SPON1: variants seen among roughly 807,000 people sequenced by gnomAD.
SPON1 encodes spondin-1.
A neutral mutation model predicts 111.7 loss-of-function variants in SPON1; 52 were observed. The observed-to-expected ratio is 0.47, with a 90% CI of 0.37 to 0.59. The LOEUF (loss-of-function observed/expected upper bound fraction) is 0.59. Among genes scored for constraint, SPON1 ranks in the 20% least tolerant of loss-of-function variants. The pLI, the probability that SPON1 is intolerant of heterozygous loss-of-function variation, is 0.00. For missense variants in SPON1, 957 were observed against 1,068.5 expected (o/e 0.90, Z 1.46); for synonymous variants, 410 against 395.8 (o/e 1.04, Z -0.43).
At chr11:14,002,965 T>C (rs1213787190) in intron 2 of SPON1, among the ~76,000 whole-genome samples, 1 of 151,774 alleles carries the variant, frequency 6.6e-6, no homozygotes, top group Admixed American at 6.6e-5. Context: ...TTCAAGAGAG[T>C]TGTGCCTACA....
chr11:14,080,662 G>A (rs1356567362), intron 5 of SPON1, among the ~76,000 whole-genome samples: 3 of 152,284 alleles, frequency 2.0e-5, no homozygotes, highest in African/African-American at 7.2e-5. Context: ...CAGACCTGCT[G>A]GAAATAGCGG....
rs537033537 is a variant in SPON1 at position 14,257,843 on chromosome 11, C to T, written c.1437C>T (p.Pro479=). ...MLKAQLDLSV[P]CPDTQDFQPC... is the part of the protein sequence containing the mutation. ...AAGCACAGCTGGACCTCAGCGTCCC[C>T]TGCCCTGACACCCAGGACTTCCAGC... The change falls in exon 11 of 16, where the codon CCC becomes CCT. Residue 479 remains proline, a synonymous_variant. Coordinates refer to ENST00000576479, the MANE Select transcript of SPON1 (RefSeq NM_006108.4). 59 of 1,591,534 alleles carry T rather than the reference C, an allele frequency of 3.7e-5. No homozygotes were observed. In the East Asian group the frequency reaches 1.3e-3, roughly 35 times the overall value.
chr11:14,008,646 C>G (rs573728811), intron 2 of SPON1, among the ~76,000 whole-genome samples: 3 of 152,276 alleles, frequency 2.0e-5, no homozygotes, highest in African/African-American at 7.2e-5. Flanking sequence ...ACTTCTTCTC[C>G]TACTAAAATA....
At chr11:14,102,341 CTATTT>C (rs782392402) in intron 5 of SPON1, among the ~76,000 whole-genome samples, 2 of 152,114 alleles carry the variant, frequency 1.3e-5, no homozygotes, top group African/African-American at 4.8e-5. Flanking sequence ...ATGTTCTATT[CTATTT>C]TATTTAAGCC....
intron 2 of SPON1, among the ~76,000 whole-genome samples, chr11:14,000,257 C>T (rs905534528): frequency 7.2e-5 from 11 of 152,106 alleles, no homozygotes; most frequent in Non-Finnish European, 1.2e-4. Flanking sequence ...CACAAAACTC[C>T]CTCCCTCACT....
intron 3 of SPON1, among the ~76,000 whole-genome samples, chr11:14,062,999 T>C (rs1848803001): frequency 6.6e-6 from 1 of 151,918 alleles, no homozygotes; most frequent in Non-Finnish European, 1.5e-5. Context: ...TTCCCCCTCC[T>C]TCCCTCTTTT....
At chr11:14,064,577 G>A (rs74686452) in intron 3 of SPON1, among the ~76,000 whole-genome samples, 2,850 of 152,280 alleles carry the variant, frequency 0.019, 38 homozygotes, top group Non-Finnish European at 0.032. Flanking sequence ...CCAAGACTTC[G>A]GACTATAACC....
At chr11:14,047,966 G>A (rs1270152104) in intron 3 of SPON1, among the ~76,000 whole-genome samples, 2 of 152,230 alleles carry the variant, frequency 1.3e-5, no homozygotes, top group African/African-American at 4.8e-5. Context: ...TGGGCCAGGT[G>A]TGGTGGCTCA....
intron 6 of SPON1, among the ~76,000 whole-genome samples, chr11:14,216,857 T>C (rs1848631276): frequency 6.6e-6 from 1 of 152,174 alleles, no homozygotes; most frequent in African/African-American, 2.4e-5. Context: ...ACTCTGAACT[T>C]CACAAAGACC....
At chr11:14,078,040 C>A (rs1170125693) in intron 4 of SPON1, among the ~76,000 whole-genome samples, 2 of 152,100 alleles carry the variant, frequency 1.3e-5, no homozygotes, top group Non-Finnish European at 2.9e-5. Flanking sequence ...CCATGGTTGG[C>A]AGACCCTGCC....
chr11:14,259,555 C>CCGAGTGGGG lies in SPON1; in HGVS notation c.1694_1702dup (p.Gly565_Trp567dup), dbSNP rs1293222519. On this transcript the variant is annotated inframe_insertion, in exon 13 of 16. Transcript: ENST00000576479. The surrounding 1 kb of genome is among the most constrained non-coding windows in gnomAD (Gnocchi z 5.0). ...CCAGCTCCCAGCAGCTGCCTGATGACCGAGTGGGGCGAGTGGGACGAGTGC... is the reference window on the plus strand; with the variant it reads ...CCAGCTCCCAGCAGCTGCCTGATGACCGAGTGGGGCGAGTGGGGCGAGTGGGACGAGTGC... The CCGAGTGGGG allele has an allele frequency of 1.6e-5, 25 of 1,553,944 alleles. No individual in the cohort carries two copies. The highest frequency in any genetic ancestry group is 4.8e-5 in the South Asian group (4 of 84,178).
chr11:14,250,622 C>T (rs1254543510), intron 7 of SPON1, among the ~76,000 whole-genome samples: 12 of 152,042 alleles, frequency 7.9e-5, no homozygotes, highest in Non-Finnish European at 1.6e-4. Flanking sequence ...ATGGCTAGAT[C>T]AACTCTCTGC....
At chr11:14,180,291 C>T (rs1049609343) in intron 6 of SPON1, among the ~76,000 whole-genome samples, 1 of 152,194 alleles carries the variant, frequency 6.6e-6, no homozygotes, top group Non-Finnish European at 1.5e-5. Flanking sequence ...GTGTAATACA[C>T]AAAACTGTTT....
chr11:14,119,730 T>C (rs782107756), intron 5 of SPON1, among the ~76,000 whole-genome samples: 7 of 152,114 alleles, frequency 4.6e-5, no homozygotes, highest in African/African-American at 1.7e-4. Context: ...TGATACACAA[T>C]TGTGAGAGTC....
chr11:14,023,003 C>A (rs1397005709), intron 2 of SPON1, among the ~76,000 whole-genome samples: 1 of 152,066 alleles, frequency 6.6e-6, no homozygotes, highest in South Asian at 2.1e-4. Flanking sequence ...GGTTTGTGGG[C>A]GGGATCATGT....
chr11:14,104,693 G>A (rs925499235), intron 5 of SPON1, among the ~76,000 whole-genome samples: 12 of 151,838 alleles, frequency 7.9e-5, no homozygotes, highest in Non-Finnish European at 1.6e-4. Flanking sequence ...TCTTCAATAG[G>A]TACATACTAA....
chr11:13,984,968 T>C (rs1355715945), intron 2 of SPON1, among the ~76,000 whole-genome samples: 2 of 152,190 alleles, frequency 1.3e-5, no homozygotes, highest in African/African-American at 4.8e-5. Context: ...ACATCCTCTC[T>C]TGTTACACAG....
Position 14,149,534 on chromosome 11 carries a change from TTTA to T in SPON1, c.825+13970_825+13972del, listed in dbSNP as rs1351191059. On this transcript the variant is annotated intron_variant, in intron 6 of 15. Transcript: ENST00000576479. Reference sequence around the variant, plus strand: ...TTTAGTGTAGCCTAAGTGTACAGTGTTTATTAAGTCTACAGTAGTGTGCAGTAA... The same window carrying T: ...TTTAGTGTAGCCTAAGTGTACAGTGTTTAAGTCTACAGTAGTGTGCAGTAA... Among the ~76,000 whole-genome samples the T allele has an allele frequency of 5.9e-5, 9 of 152,296 alleles. 1 individual carries two copies. The South Asian group carries it at 1.5e-3, about 25-fold the overall frequency.
intron 2 of SPON1, among the ~76,000 whole-genome samples, chr11:13,990,373 C>CTTTTTTTTTTTTTTTTTTTTTTT (rs1159719282): frequency 4.6e-5 from 1 of 21,670 alleles, no homozygotes; most frequent in African/African-American, 1.3e-4. Context: ...GCAACTCCTG[C>CTTTTTTTTTTTTTTTTTTTTTTT]TTTTTTTTTT....
Sources: gnomAD v4.1 joint callset for allele counts (sites outside exome capture counted in the v4.1 genomes callset) on GRCh38, gnomAD v4.1.1 for gene constraint, Gnocchi (gnomAD v3.1) non-coding constraint, MANE v1.5 for transcripts, NCBI Gene and HGNC (gene_info 2026-07-23, HGNC 2026-07-21) for gene names.